Variants in SLC35D1 observed in about 807,000 individuals in gnomAD.
The protein encoded by SLC35D1 is solute carrier family 35 member D1, also known as nucleotide sugar transporter SLC35D1.
SLC35D1 carries 31 observed loss-of-function variants against 46.7 expected under a neutral mutation model. That is an observed-to-expected ratio of 0.66 (90% CI 0.50 to 0.90). The LOEUF (loss-of-function observed/expected upper bound fraction) is 0.90, where lower values mean the gene tolerates loss of function less well. Among genes scored for constraint, SLC35D1 ranks in the 40% least tolerant of loss-of-function variants. The pLI, the probability that SLC35D1 is intolerant of heterozygous loss-of-function variation, is 0.00. For missense variants in SLC35D1, 397 were observed against 426.2 expected (o/e 0.93, Z 0.60); for synonymous variants, 195 against 164.6 (o/e 1.18, Z -1.41).
chr1:66,989,554 CT>C, the SLC35D1 span, among the ~76,000 whole-genome samples: 2 of 152,262 alleles, frequency 1.3e-5, no homozygotes, highest in South Asian at 4.1e-4. Context: ...CCTTGACCTC[CT>C]TGGGCGCAGG....
At chr1:67,022,661 G>A (rs996493397) in intron 8 of SLC35D1, among the ~76,000 whole-genome samples, 1 of 152,194 alleles carries the variant, frequency 6.6e-6, no homozygotes, top group Non-Finnish European at 1.5e-5. Flanking sequence ...ATTCCTAACA[G>A]TGCTTGACAG....
intron 4 of SLC35D1, among the ~76,000 whole-genome samples, chr1:67,051,291 C>A (rs958557740): frequency 1.3e-5 from 2 of 152,192 alleles, no homozygotes; most frequent in African/African-American, 4.8e-5. Context: ...TCTCTCCATT[C>A]TATTTTACAA....
the SLC35D1 span, among the ~76,000 whole-genome samples, chr1:66,978,076 GTC>G: frequency 6.6e-6 from 1 of 151,668 alleles, no homozygotes; most frequent in Non-Finnish European, 1.5e-5. Flanking sequence ...CACGCCTATA[GTC>G]TCAGCTACTC....
the SLC35D1 span, chr1:66,986,374 TATTA>T: frequency 5.6e-6 from 9 of 1,603,504 alleles, no homozygotes; most frequent in African/African-American, 6.7e-5. Flanking sequence ...TTTTATAAAA[TATTA>T]ATTATTCTTG....
chr1:67,052,905 C>A (rs751127837), intron 2 of SLC35D1, 48 bp from the exon 3 acceptor site: 1 of 1,613,994 alleles, frequency 6.2e-7, no homozygotes, highest in South Asian at 1.1e-5. Flanking sequence ...TAAAGACACA[C>A]ACAGAAGTTC....
the SLC35D1 span, chr1:66,976,684 A>G: frequency 6.2e-6 from 10 of 1,606,348 alleles, no homozygotes; most frequent in African/African-American, 2.7e-5. Flanking sequence ...AGCAAACACG[A>G]TTTGGAAAGA....
intron 8 of SLC35D1, chr1:67,032,115 A>G: frequency 1.0e-6 from 1 of 984,630 alleles, no homozygotes; most frequent in Non-Finnish European, 1.2e-6. Flanking sequence ...CTGTGATTAC[A>G]GATTTAATAA....
chr1:67,009,023 A>G, intron 11 of SLC35D1, 62 bp downstream of exon 11: 1 of 796,438 alleles, frequency 1.3e-6, no homozygotes, highest in Non-Finnish European at 2.2e-6. Context: ...GCCTAACCTT[A>G]TTGTGACACT....
At chr1:67,021,708 C>T (rs563261781) in intron 8 of SLC35D1, 106 bp from the exon 9 acceptor site, 24 of 231,146 alleles carry the variant, frequency 1.0e-4, no homozygotes, top group Middle Eastern at 9.1e-4. Context: ...CAGACACAGA[C>T]ACAGACACAG....
chr1:67,016,340 G>A (rs1667685907), intron 10 of SLC35D1, among the ~76,000 whole-genome samples: 1 of 151,782 alleles, frequency 6.6e-6, no homozygotes, highest in Non-Finnish European at 1.5e-5. Flanking sequence ...GTTTACAATC[G>A]GTAGAGTCCA....
intron 7 of SLC35D1, among the ~76,000 whole-genome samples, chr1:67,044,409 T>G (rs898308521): frequency 6.6e-6 from 1 of 151,596 alleles, no homozygotes; most frequent in Non-Finnish European, 1.5e-5. Context: ...AATGAAACAT[T>G]ACACAGCCAC....
chr1:67,011,005 T>A lies in SLC35D1; in HGVS notation c.877-1838A>T, dbSNP rs376750930. ...TCAAGGTCTAAAAAAGCATTTATCATCTATTCTCTCCAAGGGCTGCTACCT... is the reference window on the plus strand; with the variant it reads ...TCAAGGTCTAAAAAAGCATTTATCAACTATTCTCTCCAAGGGCTGCTACCT... On this transcript the variant is annotated intron_variant, in intron 10 of 11. Transcript: ENST00000235345. Among the ~76,000 whole-genome samples, 16 of 152,266 alleles carry A rather than the reference T, an allele frequency of 1.1e-4. No homozygotes were observed. In the East Asian group the frequency reaches 2.5e-3, roughly 24 times the overall value.
At position 67,040,966 on chromosome 1, in the gene SLC35D1, A is replaced by C. The variant is rs72929987; in HGVS notation, c.729+1270T>G. On this transcript the variant is annotated intron_variant, in intron 8 of 11. Transcript: ENST00000235345. ...TCCAAAGCACACAGCCTTTGGAGTC[A>C]GGCTTGGGTTTAAATCTTGACTCCA... Among the ~76,000 whole-genome samples the C allele has an allele frequency of 1.5e-3, 226 of 152,304 alleles. 1 individual carries two copies. The highest frequency in any genetic ancestry group is 4.9e-3 in the African/African-American group (203 of 41,568).
At chr1:66,983,384 C>A in the SLC35D1 span, among the ~76,000 whole-genome samples, 2 of 152,272 alleles carry the variant, frequency 1.3e-5, no homozygotes, top group East Asian at 3.9e-4. Flanking sequence ...AGAATATTTT[C>A]TTCTATCAGA....
chr1:66,978,723 A>G, the SLC35D1 span, among the ~76,000 whole-genome samples: 1 of 152,302 alleles, frequency 6.6e-6, no homozygotes, highest in East Asian at 1.9e-4. Flanking sequence ...GTAACAACAT[A>G]AGAATGGCCA....
chr1:67,012,987 T>TA (rs937627449), intron 10 of SLC35D1, among the ~76,000 whole-genome samples: 9 of 151,492 alleles, frequency 5.9e-5, no homozygotes, highest in South Asian at 2.1e-4. Flanking sequence ...GTATCTTCAA[T>TA]AAAAAAAATT....
the SLC35D1 span, chr1:66,986,794 T>C: frequency 4.8e-6 from 1 of 208,474 alleles, no homozygotes; most frequent in Non-Finnish European, 9.5e-6. Context: ...TTATCCAGAA[T>C]GGCAGTAGCT....
At chr1:67,024,307 C>T (rs1276666073) in intron 8 of SLC35D1, among the ~76,000 whole-genome samples, 1 of 152,124 alleles carries the variant, frequency 6.6e-6, no homozygotes, top group African/African-American at 2.4e-5. Context: ...TTGATGTAGT[C>T]TAACATCAAT....
chr1:67,013,018 T>C (rs1240317244), intron 10 of SLC35D1, among the ~76,000 whole-genome samples: 1 of 151,704 alleles, frequency 6.6e-6, no homozygotes, highest in African/African-American at 2.4e-5. Flanking sequence ...AAATATCATC[T>C]GTTTGTCCCC....
Sources: allele counts gnomAD v4.1 joint callset (sites outside exome capture counted in the v4.1 genomes callset), GRCh38; gene constraint gnomAD v4.1.1; transcripts MANE v1.5; gene names NCBI Gene and HGNC (gene_info 2026-07-23, HGNC 2026-07-21).